The following ASPM variants were observed in gnomAD, a reference collection of about 807,000 sequenced individuals.
The protein encoded by ASPM is assembly factor for spindle microtubules.
A neutral mutation model predicts 366.4 loss-of-function variants in ASPM; 256 were observed. The observed-to-expected ratio is 0.70, with a 90% CI of 0.63 to 0.77. The LOEUF is 0.77. ASPM is among the 30% of genes least tolerant of loss of function. ASPM has a pLI of 0.00. For missense variants in ASPM, 4,146 were observed against 4,090.4 expected (o/e 1.01, Z -0.37); for synonymous variants, 1,414 against 1,342.9 (o/e 1.05, Z -1.16).
intron 22 of ASPM, 27 bp downstream of exon 22, chr1:197,091,880 T>G: frequency 1.9e-6 from 3 of 1,603,834 alleles, no homozygotes; most frequent in East Asian, 2.2e-5. Context: ...TTATATCATA[T>G]AGTTTTACTG....
In ASPM at chr1:197,131,294, G is replaced by C. The variant is rs117566127; in HGVS notation, c.2487+991C>G. On this transcript the variant is annotated intron_variant, in intron 7 of 27. Transcript: ENST00000367409. The stretch of plus-strand genomic sequence containing the variant: ...TAATGGGAGACCCTACATTAAGAAG[G>C]TAAGAAACCTAGAAAAAATGTGAAA... Among the ~76,000 whole-genome samples the C allele has an allele frequency of 6.9e-4, 105 of 152,240 alleles. 1 individual carries two copies. In the East Asian group the frequency reaches 0.02, roughly 29 times the overall value.
chr1:197,118,003 A>T lies in ASPM; in HGVS notation c.3871-20T>A. Reference sequence around the variant, plus strand: ...TCTCTCCTAAAATAAAAAAGTCAGCAAATGTAAATTAAACACTCACTTAAG... The same window carrying T: ...TCTCTCCTAAAATAAAAAAGTCAGCTAATGTAAATTAAACACTCACTTAAG... On this transcript the variant is annotated intron_variant, in intron 16 of 27. Coordinates refer to ENST00000367409, the MANE Select transcript of ASPM (RefSeq NM_018136.5). The T allele has an allele frequency of 6.2e-7, 1 of 1,602,148 alleles. No individual in the cohort carries two copies. The highest frequency in any genetic ancestry group is 8.5e-7 in the Non-Finnish European group (1 of 1,169,906).
chr1:197,118,160 A>G (rs1657798566), intron 16 of ASPM, among the ~76,000 whole-genome samples, 177 bp from the exon 17 acceptor site: 1 of 152,188 alleles, frequency 6.6e-6, no homozygotes, highest in Non-Finnish European at 1.5e-5. Context: ...GAAAGCGCTG[A>G]TAGGTGGGCT....
intron 4 of ASPM, among the ~76,000 whole-genome samples, chr1:197,138,209 A>G (rs1658477015): frequency 6.6e-6 from 1 of 152,194 alleles, no homozygotes; most frequent in Non-Finnish European, 1.5e-5. Flanking sequence ...TTTGGCAAAT[A>G]TTGATTGAAT....
Position 197,101,046 on chromosome 1 carries a change from A to T in ASPM, c.8205T>A (p.Phe2735Leu). The T allele has an allele frequency of 6.2e-7, 1 of 1,611,722 alleles. No individual in the cohort carries two copies. The highest frequency in any genetic ancestry group is 8.5e-7 in the Non-Finnish European group (1 of 1,178,914). Residue 2735 changes from phenylalanine (F) to leucine (L), a missense_variant, in exon 18 of 28, where the codon TTT (phenylalanine) becomes TTA (leucine). Transcript: ENST00000367409. ...YVRVKTERKN[F>L]LAVQKSVRTI... ...TTCGTACAGATTTCTGAACTGCTAA[A>T]AAGTTTTTTCTTTCTGTTTTTACTC...
chr1:197,105,071 G>C lies in ASPM; in HGVS notation c.4180C>G (p.Leu1394Val), dbSNP rs759544893. 1.9e-6 allele frequency: 3 copies of C among 1,609,950 alleles called. No individual in the cohort carries two copies. The South Asian group carries it at 3.3e-5, about 18-fold the overall frequency. The change falls in exon 18 of 28, where the codon CTT (leucine) becomes GTT (valine). Residue 1394 changes from leucine to valine, a missense_variant. Physicochemically the swap from Leu to Val is conservative, Grantham distance 32 (BLOSUM62 1). Coordinates refer to ENST00000367409, the MANE Select transcript of ASPM (RefSeq NM_018136.5). ...CTCTGAATTGTAACTGTAGCCCAAA[G>C]ATATCGTTTATAAGATGTAACAGCA... ...IIAVTSYKRY[L>V]WATVTIQRHW...
rs547408473 is a variant in ASPM at position 197,141,282 on chromosome 1, A to G, written c.1921+1049T>C. 2.6e-5 allele frequency among the ~76,000 whole-genome samples: 4 copies of G among 152,302 alleles called. No individual in the cohort carries two copies. In the South Asian group the frequency reaches 8.3e-4, roughly 32 times the overall value. On this transcript the variant is annotated intron_variant, in intron 3 of 27. Coordinates refer to ENST00000367409, the MANE Select transcript of ASPM (RefSeq NM_018136.5). ...AATAAAATTTTACTGAAACACAGCC[A>G]TACTCCTTGATTTGCACATTGTCTA...
rs1658159287 is a variant in ASPM, at chr1:197,128,528, T to C, written c.2898A>G (p.Thr966=). The C allele has an allele frequency of 3.7e-6, 6 of 1,613,914 alleles. No individual in the cohort carries two copies. The highest frequency in any genetic ancestry group is 5.1e-6 in the Non-Finnish European group (6 of 1,179,838). ...CACATTGCAAGTCTACGGCAAGATTTGTAACGGCAAAATCAAATTCATCAA... is the reference window on the plus strand; with the variant it reads ...CACATTGCAAGTCTACGGCAAGATTCGTAACGGCAAAATCAAATTCATCAA... ...TPFDEFDFAV[T]NLAVDLQCGV... is the part of the protein sequence containing the mutation. Residue 966 remains threonine (T), a synonymous_variant, in exon 10 of 28, where the codon ACA becomes ACG. Transcript: ENST00000367409.
chr1:197,132,245 T>C (rs1557960363), intron 7 of ASPM, 40 bp downstream of exon 7: 2 of 1,463,442 alleles, frequency 1.4e-6, no homozygotes, highest in East Asian at 2.4e-5. Flanking sequence ...AAGTATATAA[T>C]AAAAAAATAT....
intron 15 of ASPM, 22 bp from the exon 16 acceptor site, chr1:197,122,065 T>G: frequency 6.2e-7 from 1 of 1,609,268 alleles, no homozygotes; most frequent in South Asian, 1.1e-5. Context: ...CCACAAAAGA[T>G]AAAAACAGAA....
In ASPM at chr1:197,084,344, T is replaced by C; in HGVS notation, c.10414A>G (p.Thr3472Ala). 1 of 1,611,676 alleles carries C rather than the reference T, an allele frequency of 6.2e-7. No individual in the cohort carries two copies. Among genetic ancestry groups the C allele is most frequent in the Non-Finnish European group, 8.5e-7 (1 of 1,178,258 alleles). Residue 3472 changes from threonine to alanine, a missense_variant, in exon 28 of 28, where the codon ACG becomes GCG. Thr to Ala is a moderately conservative substitution (Grantham distance 58). This residue lies in a region of ASPM where 3,624 missense variants were observed against 3,591.7 expected (regional missense o/e 1.01). Coordinates refer to ENST00000367409, the MANE Select transcript of ASPM (RefSeq NM_018136.5). ...ATTTACTAATAAGGAATGCCAAGCG[T>C]ATCCATCACCATTTGAATAGCTTGC... The part of the protein sequence containing the change: ...PLQAIQMVMD[T>A]LGIPY
chr1:197,091,884 T>A, intron 22 of ASPM, 23 bp downstream of exon 22: 1 of 1,605,848 alleles, frequency 6.2e-7, no homozygotes, highest in South Asian at 1.1e-5. Flanking sequence ...ATCATATAGT[T>A]TTACTGCAAA....
In ASPM at chr1:197,103,643, G is replaced by A. The variant is rs746381563; in HGVS notation, c.5608C>T (p.His1870Tyr). 2 of 1,612,860 alleles carry A rather than the reference G, an allele frequency of 1.2e-6. No homozygotes were observed. The highest frequency in any genetic ancestry group is 1.7e-5 in the Admixed American group (1 of 59,762). Residue 1870 changes from histidine (H) to tyrosine (Y), a missense_variant, in exon 18 of 28, where the codon CAT (histidine) becomes TAT (tyrosine). This residue lies in a region of ASPM where 3,624 missense variants were observed against 3,591.7 expected (regional missense o/e 1.01). Transcript: ENST00000367409. ...ACAGCTGCCTTTGTCTTCAAAAAAT[G>A]TGTTCTTGTATCATGAAGAGTCTTG... ...AYKTLHDTRT[H>Y]FLKTKAAVIS...
intron 17 of ASPM, among the ~76,000 whole-genome samples, chr1:197,114,263 G>T (rs1657677185): frequency 6.6e-6 from 1 of 152,170 alleles, no homozygotes; most frequent in Non-Finnish European, 1.5e-5. Context: ...AAAATGCTAA[G>T]AACCATGTGA....
At chr1:197,133,887 A>G (rs1658341552) in intron 5 of ASPM, among the ~76,000 whole-genome samples, 1 of 152,082 alleles carries the variant, frequency 6.6e-6, no homozygotes, top group Non-Finnish European at 1.5e-5. Flanking sequence ...CATCCTTTTT[A>G]TAAATTAATA....
intron 6 of ASPM, among the ~76,000 whole-genome samples, chr1:197,132,592 T>C (rs1658294290): frequency 6.6e-6 from 1 of 152,022 alleles, no homozygotes; most frequent in Non-Finnish European, 1.5e-5. Flanking sequence ...CTTGGGGACA[T>C]CAGTATCTGG....
At position 197,100,954 on chromosome 1, in the gene ASPM, A is replaced by G; in HGVS notation, c.8297T>C (p.Met2766Thr). Residue 2766 changes from methionine (M) to threonine (T), a missense_variant, in exon 18 of 28, where the codon ATG becomes ACG. Met to Thr is a moderately conservative substitution (Grantham distance 81). Transcript: ENST00000367409. ...TGCAGATTGGTTAACAATGGCTGCC[A>G]TCTTTTCCTCTGATACATTTTTCAA... ...QKLKNVSEEKMAAIVNQSALC... is the reference protein window; with the variant it reads ...QKLKNVSEEKTAAIVNQSALC... 1.2e-6 allele frequency: 2 copies of G among 1,612,704 alleles called. No homozygotes were observed. Among genetic ancestry groups the G allele is most frequent in the Non-Finnish European group, 1.7e-6 (2 of 1,179,174 alleles).
At position 197,128,665 on chromosome 1, in the gene ASPM, C is replaced by T. The variant is rs765798033; in HGVS notation, c.2761G>A (p.Ala921Thr). 6.2e-7 allele frequency: 1 copy of T among 1,605,894 alleles called. No individual in the cohort carries two copies. Among genetic ancestry groups the T allele is most frequent in the Non-Finnish European group, 8.5e-7 (1 of 1,173,908 alleles). The change falls in exon 10 of 28, where the codon GCT (alanine) becomes ACT (threonine). Residue 921 changes from alanine (A) to threonine (T), a missense_variant and splice_region_variant. By Grantham distance (58) the Ala-to-Thr change is moderately conservative. This residue lies in a region of ASPM where 3,624 missense variants were observed against 3,591.7 expected (regional missense o/e 1.01). Coordinates refer to ENST00000367409, the MANE Select transcript of ASPM (RefSeq NM_018136.5). ...CLFCKDAEFK[A>T]SKEILLAFSR... ...AAAGCCAAAAGGATTTCTTTACTAG[C>T]CTATAAAGAAATAAGTTCCAGATAT...
At chr1:197,092,821 T>C (rs1262812038) in intron 21 of ASPM, among the ~76,000 whole-genome samples, 2 of 151,892 alleles carry the variant, frequency 1.3e-5, no homozygotes, top group African/African-American at 4.8e-5. Flanking sequence ...AGAAATTTTA[T>C]TTTGCGTCTT....
Sources: allele counts gnomAD v4.1 joint callset (sites outside exome capture counted in the v4.1 genomes callset), GRCh38; gene constraint gnomAD v4.1.1; regional missense constraint gnomAD v4.1.1; transcripts MANE v1.5; gene names NCBI Gene and HGNC (gene_info 2026-07-23, HGNC 2026-07-21).